The following EPB41 variants were observed in gnomAD, a reference collection of about 807,000 sequenced individuals.
EPB41 encodes the protein protein 4.1.
EPB41 carries 65 observed loss-of-function variants against 108.0 expected under a neutral mutation model. That is an observed-to-expected ratio of 0.60 (90% CI 0.49 to 0.74). The LOEUF is 0.74. EPB41 is among the 30% of genes least tolerant of loss of function. The pLI, the probability that EPB41 is intolerant of heterozygous loss-of-function variation, is 0.00. For synonymous variants in EPB41, 336 were observed against 358.9 expected, an observed-to-expected ratio of 0.94 and a Z score of 0.72; for missense variants, 875 against 1,037.0, an observed-to-expected ratio of 0.84 and a Z score of 2.15.
At chr1:29,112,677 C>T (rs1229451982) in intron 19 of EPB41, among the ~76,000 whole-genome samples, 2 of 152,180 alleles carry the variant, frequency 1.3e-5, no homozygotes, top group African/African-American at 4.8e-5. Context: ...GATTCCAAGA[C>T]TTGATTCAAT....
chr1:29,065,020 T>C lies in EPB41; in HGVS notation c.2046T>C (p.His682=). ...DKSQEEIKKH[H]ASISELKKNF... ...GTCAAGAGGAGATCAAAAAACATCA[T>C]GCCAGCATCAGTGAGCTGAAAAAGA... is the stretch of plus-strand genomic sequence containing the variant. Residue 682 remains histidine (H), a synonymous_variant, in exon 16 of 21, where the codon CAT becomes CAC. Coordinates refer to ENST00000343067, the MANE Select transcript of EPB41 (RefSeq NM_001376013.1). 2 of 1,614,154 alleles carry C rather than the reference T, an allele frequency of 1.2e-6. No individual in the cohort carries two copies. The highest frequency in any genetic ancestry group is 2.2e-5 in the South Asian group (2 of 91,084).
intron 16 of EPB41, among the ~76,000 whole-genome samples, chr1:29,094,370 G>A (rs961527413): frequency 2.0e-5 from 3 of 151,992 alleles, no homozygotes; most frequent in South Asian, 2.1e-4. Flanking sequence ...TCCACTTTCC[G>A]AGTTTAAGCA....
intron 1 of EPB41, among the ~76,000 whole-genome samples, chr1:28,960,563 C>CAAAA (rs397860826): frequency 2.1e-5 from 1 of 46,870 alleles, no homozygotes; most frequent in Non-Finnish European, 4.5e-5. Flanking sequence ...CTCGTCTCTA[C>CAAAA]AAAAAAAAAA....
intron 1 of EPB41, among the ~76,000 whole-genome samples, chr1:28,956,276 A>G: frequency 6.6e-6 from 1 of 152,218 alleles, no homozygotes; most frequent in East Asian, 1.9e-4. Flanking sequence ...TCTGTTGGGT[A>G]CTAATTACAA....
intron 1 of EPB41, among the ~76,000 whole-genome samples, chr1:28,954,176 T>A (rs1157628828): frequency 2.0e-5 from 3 of 152,224 alleles, no homozygotes; most frequent in Non-Finnish European, 4.4e-5. Context: ...GCTCATTCAT[T>A]ATTCATTTCA....
At position 29,030,457 on chromosome 1, in the gene EPB41, T is replaced by C; in HGVS notation, c.1182T>C (p.Ser394=). The C allele has an allele frequency of 6.2e-7, 1 of 1,614,140 alleles. No individual in the cohort carries two copies. Among genetic ancestry groups the C allele is most frequent in the Non-Finnish European group, 8.5e-7 (1 of 1,179,984 alleles). Residue 394 remains serine, a synonymous_variant, in exon 8 of 21, where the codon TCT becomes TCC. Transcript: ENST00000343067. The part of the protein sequence containing the change: ...LEFLENAKKL[S]MYGVDLHKAK... The stretch of plus-strand genomic sequence containing the variant: ...TTCTTGAGAATGCCAAAAAGTTGTC[T>C]ATGTATGGAGTTGATCTTCATAAAG...
intron 1 of EPB41, among the ~76,000 whole-genome samples, chr1:28,967,208 C>T (rs940008153): frequency 6.6e-6 from 1 of 151,846 alleles, no homozygotes; most frequent in East Asian, 1.9e-4. Context: ...TTAGTAGAGA[C>T]GGGGTTTCAC....
intron 1 of EPB41, among the ~76,000 whole-genome samples, chr1:28,895,608 A>C (rs2090584251): frequency 6.6e-6 from 1 of 151,494 alleles, no homozygotes. Flanking sequence ...TCCTGTCTCA[A>C]CCTCCCAAGT....
chr1:28,887,277 C>G lies in EPB41; in HGVS notation c.-8+67C>G. On this transcript the variant is annotated intron_variant, in intron 1 of 16. Transcript: ENST00000347529. This position sits in a 1 kb window ranked among gnomAD's most constrained non-coding sequence, Gnocchi z 4.9. Reference sequence around the variant, plus strand: ...AGGGACGGGGTTAGGGACAGAAGAACCTACCCCCAAGGGCTCGGACCGTCC... The same window carrying G: ...AGGGACGGGGTTAGGGACAGAAGAAGCTACCCCCAAGGGCTCGGACCGTCC... The G allele has an allele frequency of 8.0e-7, 1 of 1,257,170 alleles. No homozygotes were observed. The highest frequency in any genetic ancestry group is 1.3e-5 in the South Asian group (1 of 79,056). 77.9% of individuals were successfully genotyped at this position (1,257,170 alleles called of 1,614,324 possible).
intron 12 of EPB41, among the ~76,000 whole-genome samples, chr1:29,056,241 AAAAAAAC>A (rs1301742650): frequency 1.7e-4 from 26 of 151,846 alleles, no homozygotes; most frequent in South Asian, 6.2e-4. Context: ...CTCAAAAAAA[AAAAAAAC>A]AAAAAACAAC....
intron 1 of EPB41, among the ~76,000 whole-genome samples, chr1:28,948,896 C>A (rs1185624266): frequency 6.6e-6 from 1 of 152,074 alleles, no homozygotes; most frequent in Non-Finnish European, 1.5e-5. Context: ...TTGCAGTGAG[C>A]CAAGATCACG....
intron 3 of EPB41, among the ~76,000 whole-genome samples, chr1:28,995,303 C>T (rs1375138452): frequency 1.3e-5 from 2 of 152,080 alleles, no homozygotes; most frequent in African/African-American, 4.8e-5. Flanking sequence ...GTGGCTCATG[C>T]CTGTAATCCC....
intron 11 of EPB41, among the ~76,000 whole-genome samples, chr1:29,044,079 A>C (rs1572974740): frequency 6.6e-6 from 1 of 152,230 alleles, no homozygotes; most frequent in Non-Finnish European, 1.5e-5. Flanking sequence ...TTTAATCTTC[A>C]TGTCTTTGCC....
chr1:28,938,131 G>A (rs916028112), intron 1 of EPB41, among the ~76,000 whole-genome samples: 2 of 152,204 alleles, frequency 1.3e-5, no homozygotes, highest in African/African-American at 4.8e-5. Flanking sequence ...ATTGGTAAGT[G>A]TGAGTCCTCT....
At chr1:28,941,813 G>T (rs1244244422) in intron 1 of EPB41, among the ~76,000 whole-genome samples, 1 of 144,642 alleles carries the variant, frequency 6.9e-6, no homozygotes, top group Non-Finnish European at 1.5e-5. Flanking sequence ...AGAATCGCTT[G>T]AACACAGGAG....
intron 3 of EPB41, among the ~76,000 whole-genome samples, chr1:28,993,764 C>T (rs975718335): frequency 1.4e-5 from 2 of 147,464 alleles, no homozygotes; most frequent in Admixed American, 1.4e-4. Context: ...TCAAGTGATT[C>T]TCCTGTCTCA....
chr1:28,911,212 G>A (rs1469626569), upstream of EPB41: 7 of 976,672 alleles, frequency 7.2e-6, no homozygotes, highest in East Asian at 6.8e-4. Context: ...CCTAACAACT[G>A]AAGATGTGTG....
Position 29,117,517 on chromosome 1 carries a change from T to C in EPB41, c.*705T>C, listed in dbSNP as rs1558357495. On this transcript the variant is annotated 3_prime_UTR_variant, in exon 21 of 21. Coordinates refer to ENST00000343067, the MANE Select transcript of EPB41 (RefSeq NM_001376013.1). ...GGAAGTTGCTTCAGATATCTGATACTGTGAATGTTTGAACATATCCGTGGC... is the reference window on the plus strand; with the variant it reads ...GGAAGTTGCTTCAGATATCTGATACCGTGAATGTTTGAACATATCCGTGGC... 1.3e-5 allele frequency: 2 copies of C among 152,688 alleles called. No homozygotes were observed. The highest frequency in any genetic ancestry group is 2.4e-5 in the African/African-American group (1 of 41,470). The allele number at this position is 152,688 out of a possible 1,614,324, so 9.5% of individuals were successfully genotyped here.
At chr1:28,969,799 G>A (rs1433661571) in intron 1 of EPB41, among the ~76,000 whole-genome samples, 2 of 152,136 alleles carry the variant, frequency 1.3e-5, no homozygotes, top group Non-Finnish European at 2.9e-5. Flanking sequence ...TACTCGGGAG[G>A]CTGAGGCAGG....
Sources: gnomAD v4.1 joint callset for allele counts (sites outside exome capture counted in the v4.1 genomes callset) on GRCh38, gnomAD v4.1.1 for gene constraint, Gnocchi (gnomAD v3.1) non-coding constraint, MANE v1.5 for transcripts, NCBI Gene and HGNC (gene_info 2026-07-23, HGNC 2026-07-21) for gene names.